Variants in TIMP3 observed in about 807,000 individuals in gnomAD.
TIMP3 encodes the protein metalloproteinase inhibitor 3.
TIMP3 carries 11 observed loss-of-function variants against 30.0 expected under a neutral mutation model. That is an observed-to-expected ratio of 0.37 (90% CI 0.23 to 0.61). The LOEUF (loss-of-function observed/expected upper bound fraction) is 0.61. TIMP3 is among the 20% of genes least tolerant of loss of function. The pLI, the probability that TIMP3 is intolerant of heterozygous loss-of-function variation, is 0.70. For synonymous variants in TIMP3, 112 were observed against 111.3 expected (o/e 1.01, Z -0.04); for missense variants, 181 against 276.8 (o/e 0.65, Z 2.45).
At chr22:32,825,698 G>GATGTGTGT (rs1157423738) in intron 1 of TIMP3, among the ~76,000 whole-genome samples, 1 of 94,622 alleles carries the variant, frequency 1.1e-5, no homozygotes, top group Non-Finnish European at 2.1e-5. Flanking sequence ...AAAAAAAAAA[G>GATGTGTGT]ATGTGTGTAT....
intron 1 of TIMP3, among the ~76,000 whole-genome samples, chr22:32,809,740 T>C (rs1295234704): frequency 6.6e-6 from 1 of 152,252 alleles, no homozygotes; most frequent in East Asian, 1.9e-4. Flanking sequence ...GTTGGTGTTT[T>C]CATAAGCCTG....
rs1483812840 is a variant in TIMP3 at position 32,824,230 on chromosome 22, A to T, written c.121+22108A>T. Among the ~76,000 whole-genome samples, 12 of 142,360 alleles carry T rather than the reference A, an allele frequency of 8.4e-5. No homozygotes were observed. In the East Asian group the frequency reaches 2.5e-3, roughly 29 times the overall value. 93.4% of individuals were successfully genotyped at this position (142,360 alleles called of 152,430 possible). A position where few individuals can be genotyped will look rare whatever the true frequency, so the allele number is the denominator to read the frequency against. On this transcript the variant is annotated intron_variant, in intron 1 of 4. Transcript: ENST00000266085. Reference sequence around the variant, plus strand: ...GAGGTGGAGGTTGCAGTGAGACGACACCTCGCCACTGCACTCCAGCCTGGG... The same window carrying T: ...GAGGTGGAGGTTGCAGTGAGACGACTCCTCGCCACTGCACTCCAGCCTGGG...
intron 2 of TIMP3, among the ~76,000 whole-genome samples, chr22:32,851,954 T>C (rs987480524): frequency 2.0e-5 from 3 of 152,228 alleles, no homozygotes; most frequent in Non-Finnish European, 4.4e-5. Flanking sequence ...TCGTGCTTCC[T>C]TCCCACCCTC....
chr22:32,808,654 A>T lies in TIMP3; in HGVS notation c.121+6532A>T, dbSNP rs1198949862. Among the ~76,000 whole-genome samples, 3 of 152,282 alleles carry T rather than the reference A, an allele frequency of 2.0e-5. No individual in the cohort carries two copies. The East Asian group carries it at 5.8e-4, about 29-fold the overall frequency. On this transcript the variant is annotated intron_variant, in intron 1 of 4. Coordinates refer to ENST00000266085, the MANE Select transcript of TIMP3 (RefSeq NM_000362.5). ...ACTCTGTCTCTCTGGCTCTTGGCCC[A>T]TGACACCCCCTCGGTTTTGAACAGT...
chr22:32,827,988 C>T (rs1016460760), intron 1 of TIMP3, among the ~76,000 whole-genome samples: 2 of 152,150 alleles, frequency 1.3e-5, no homozygotes, highest in African/African-American at 4.8e-5. Context: ...CTTGTCTATT[C>T]CCCTTTGCCT....
chr22:32,844,648 A>G (rs1569270319), intron 1 of TIMP3, among the ~76,000 whole-genome samples: 1 of 152,044 alleles, frequency 6.6e-6, no homozygotes, highest in African/African-American at 2.4e-5. Context: ...GTTTCTTCTT[A>G]GATACTTTTA....
intron 2 of TIMP3, among the ~76,000 whole-genome samples, chr22:32,856,897 G>A (rs1452644113): frequency 6.6e-6 from 1 of 152,184 alleles, no homozygotes; most frequent in African/African-American, 2.4e-5. Flanking sequence ...CCACATGAGT[G>A]AGAACATGGT....
rs5749526 is a variant in TIMP3, at chr22:32,852,288, C to T, written c.204+2754C>T. Reference sequence around the variant, plus strand: ...AGTATGGAGCAGCAGGCTGATTCATCATTCCTACCCACTTTGGGGTATATA... The same window carrying T: ...AGTATGGAGCAGCAGGCTGATTCATTATTCCTACCCACTTTGGGGTATATA... On this transcript the variant is annotated intron_variant, in intron 2 of 4. Coordinates refer to ENST00000266085, the MANE Select transcript of TIMP3 (RefSeq NM_000362.5). Among the ~76,000 whole-genome samples the T allele has an allele frequency of 7.4e-3, 1,120 of 152,326 alleles. 7 individuals are homozygous for T. Among genetic ancestry groups the T allele is most frequent in the African/African-American group, 0.014 (596 of 41,576 alleles).
At chr22:32,849,886 A>T (rs2048171988) in intron 2 of TIMP3, among the ~76,000 whole-genome samples, 1 of 151,928 alleles carries the variant, frequency 6.6e-6, no homozygotes. Context: ...TTGTGAAATG[A>T]GGGGGTTGGA....
intron 1 of TIMP3, among the ~76,000 whole-genome samples, chr22:32,807,321 AAATAT>A (rs1569239530): frequency 3.1e-5 from 3 of 98,090 alleles, no homozygotes; most frequent in African/African-American, 1.3e-4. Flanking sequence ...TATAATATAT[AAATAT>A]ATAATTTATA....
intron 1 of TIMP3, among the ~76,000 whole-genome samples, chr22:32,803,749 T>A (rs1281364950): frequency 6.6e-6 from 1 of 152,138 alleles, no homozygotes; most frequent in Non-Finnish European, 1.5e-5. Flanking sequence ...ATCACACACG[T>A]GCGGCCAGGA....
At chr22:32,859,088 G>A in intron 4 of TIMP3, 92 bp from the exon 5 acceptor site, 1 of 1,291,906 alleles carries the variant, frequency 7.7e-7, no homozygotes, top group Non-Finnish European at 1.1e-6. Context: ...TTCCCATGCA[G>A]TGGCCCCAGG....
At chr22:32,814,150 G>C (rs2046997779) in intron 1 of TIMP3, among the ~76,000 whole-genome samples, 1 of 133,848 alleles carries the variant, frequency 7.5e-6, no homozygotes, top group Non-Finnish European at 1.6e-5. Flanking sequence ...GTGAGAGAGA[G>C]AGAGAGAGAG....
intron 1 of TIMP3, among the ~76,000 whole-genome samples, chr22:32,819,096 G>C (rs1021340325): frequency 8.5e-4 from 129 of 152,364 alleles, no homozygotes; most frequent in Middle Eastern, 3.4e-3. Flanking sequence ...CTTGGCCAGG[G>C]GGTCACAGGG....
chr22:32,828,797 C>T (rs1191160842), intron 1 of TIMP3, among the ~76,000 whole-genome samples: 1 of 152,174 alleles, frequency 6.6e-6, no homozygotes, highest in East Asian at 1.9e-4. Flanking sequence ...ACTGAGCGTT[C>T]CCAGATTCAG....
At position 32,802,014 on chromosome 22, in the gene TIMP3, C is replaced by A; in HGVS notation, c.13C>A (p.Leu5Ile). The change falls in exon 1 of 5, where the codon CTC (leucine) becomes ATC (isoleucine). Residue 5 changes from leucine (L) to isoleucine (I), a missense_variant. Coordinates refer to ENST00000266085, the MANE Select transcript of TIMP3 (RefSeq NM_000362.5). MTPW[L>I]GLIVLLGSWS... ...GGCAGCAGCGGCAATGACCCCTTGG[C>A]TCGGGCTCATCGTGCTCCTGGGCAG... The A allele has an allele frequency of 6.3e-7, 1 of 1,580,084 alleles. No individual in the cohort carries two copies.
chr22:32,855,826 C>A (rs540147470), intron 2 of TIMP3, among the ~76,000 whole-genome samples: 3 of 152,270 alleles, frequency 2.0e-5, no homozygotes, highest in South Asian at 2.1e-4. Flanking sequence ...CAGTTGAGAA[C>A]CACTGTATTA....
intron 2 of TIMP3, among the ~76,000 whole-genome samples, chr22:32,855,732 CT>C: frequency 6.6e-6 from 1 of 152,294 alleles, no homozygotes; most frequent in East Asian, 1.9e-4. Context: ...CCTCCCTACC[CT>C]CTACGAACTG....
At chr22:32,807,582 A>G (rs2046799503) in intron 1 of TIMP3, among the ~76,000 whole-genome samples, 1 of 149,840 alleles carries the variant, frequency 6.7e-6, no homozygotes, top group African/African-American at 2.4e-5. Context: ...GAGGTGTGCT[A>G]TTGTCATCTC....
Sources: allele counts gnomAD v4.1 joint callset (sites outside exome capture counted in the v4.1 genomes callset), GRCh38; gene constraint gnomAD v4.1.1; transcripts MANE v1.5; gene names NCBI Gene and HGNC (gene_info 2026-07-23, HGNC 2026-07-21).